Variants in SLC6A11 observed in about 807,000 individuals in gnomAD.
SLC6A11 encodes solute carrier family 6 member 11, also known as sodium- and chloride-dependent GABA transporter 3.
In SLC6A11, 25 loss-of-function variants were observed where a neutral mutation model predicts 74.8. That is an observed-to-expected ratio of 0.33 (90% CI 0.24 to 0.47). The LOEUF (loss-of-function observed/expected upper bound fraction) is 0.47. SLC6A11 is among the 20% of genes least tolerant of loss of function. The pLI is 1.00. For synonymous variants in SLC6A11, 330 were observed against 330.2 expected, an observed-to-expected ratio of 1.00 and a Z score of 0.01; for missense variants, 574 against 837.0, an observed-to-expected ratio of 0.69 and a Z score of 3.88.
At chr3:10,937,197 G>T (rs1039414033) in intron 13 of SLC6A11, among the ~76,000 whole-genome samples, 1 of 152,170 alleles carries the variant, frequency 6.6e-6, no homozygotes, top group Admixed American at 6.5e-5. Context: ...GGCAGGTACC[G>T]TTATTATCCC....
At chr3:10,935,310 G>A in intron 13 of SLC6A11, 111 bp downstream of exon 13, 1 of 940,284 alleles carries the variant, frequency 1.1e-6, no homozygotes, top group Admixed American at 2.1e-5. Context: ...TGCCTCAAGG[G>A]GACGCTGTGG....
chr3:10,866,147 C>G (rs994403560), intron 5 of SLC6A11, among the ~76,000 whole-genome samples: 3 of 152,192 alleles, frequency 2.0e-5, no homozygotes, highest in African/African-American at 7.2e-5. Flanking sequence ...TAGGGTGTTG[C>G]CCTCATTTAC....
chr3:10,830,846 T>C (rs1694286582), intron 4 of SLC6A11, among the ~76,000 whole-genome samples: 1 of 152,098 alleles, frequency 6.6e-6, no homozygotes, highest in African/African-American at 2.4e-5. Flanking sequence ...AATGTTCTAT[T>C]CCTAGAGTTG....
At position 10,926,290 on chromosome 3, in the gene SLC6A11, A is replaced by T. The variant is rs1411652646; in HGVS notation, c.1233+174A>T. Among the ~76,000 whole-genome samples the T allele has an allele frequency of 6.7e-6, 1 of 148,208 alleles. No individual in the cohort carries two copies. Among genetic ancestry groups the T allele is most frequent in the African/African-American group, 2.5e-5 (1 of 39,892 alleles). ...CCACTTCCCTCCCAGCAACTCTTGCACCCCCGCCATCCACCAGGTGGGCTC... is the reference window on the plus strand; with the variant it reads ...CCACTTCCCTCCCAGCAACTCTTGCTCCCCCGCCATCCACCAGGTGGGCTC... On this transcript the variant is annotated intron_variant, in intron 9 of 13. Coordinates refer to ENST00000254488, the MANE Select transcript of SLC6A11 (RefSeq NM_014229.3). The surrounding 1 kb of genome is among the most constrained non-coding windows in gnomAD (Gnocchi z 5.7).
At chr3:10,875,399 A>G (rs978794348) in intron 6 of SLC6A11, among the ~76,000 whole-genome samples, 9 of 152,256 alleles carry the variant, frequency 5.9e-5, no homozygotes, top group African/African-American at 2.2e-4. Context: ...ATTTTAAAGC[A>G]GCAATGAGCA....
chr3:10,823,096 C>T (rs761842615), intron 3 of SLC6A11, among the ~76,000 whole-genome samples: 7 of 152,128 alleles, frequency 4.6e-5, no homozygotes, highest in Admixed American at 6.5e-5. Flanking sequence ...AGGCCCCCTG[C>T]CCCATAAACC....
chr3:10,913,374 C>G (rs1374652203), intron 7 of SLC6A11, among the ~76,000 whole-genome samples: 1 of 152,176 alleles, frequency 6.6e-6, no homozygotes, highest in Non-Finnish European at 1.5e-5. Flanking sequence ...ATAACCACCT[C>G]CATAAAGTGA....
chr3:10,933,102 C>A, intron 10 of SLC6A11, 49 bp from the exon 11 acceptor site: 1 of 1,346,766 alleles, frequency 7.4e-7, no homozygotes, highest in Non-Finnish European at 1.1e-6. Flanking sequence ...CCCTGCTCTC[C>A]CGTGTGTCCG....
At chr3:10,832,600 A>G (rs73814446) in intron 4 of SLC6A11, among the ~76,000 whole-genome samples, 6,037 of 152,300 alleles carry the variant, frequency 0.04, 412 homozygotes, top group African/African-American at 0.14. Context: ...AATATAACCT[A>G]TAAATATGTC....
chr3:10,839,981 C>T, intron 4 of SLC6A11, among the ~76,000 whole-genome samples: 1 of 152,136 alleles, frequency 6.6e-6, no homozygotes, highest in Middle Eastern at 3.2e-3. Flanking sequence ...GGACTATTGC[C>T]TTCCCTATTG....
intron 4 of SLC6A11, among the ~76,000 whole-genome samples, chr3:10,839,017 A>G (rs1282467489): frequency 1.3e-5 from 2 of 151,748 alleles, no homozygotes; most frequent in Admixed American, 6.6e-5. Context: ...CCCTCCTGTC[A>G]AGTAGAAAGG....
intron 5 of SLC6A11, among the ~76,000 whole-genome samples, chr3:10,859,126 G>A (rs1026875388): frequency 2.0e-5 from 3 of 152,226 alleles, no homozygotes; most frequent in Admixed American, 6.5e-5. Flanking sequence ...ATAAAATGTG[G>A]CATGTGGAAT....
Position 10,927,916 on chromosome 3 carries a change from C to T in SLC6A11, c.1234-1286C>T, listed in dbSNP as rs567708365. Among the ~76,000 whole-genome samples the T allele has an allele frequency of 5.3e-5, 8 of 152,298 alleles. 1 individual carries two copies. The East Asian group carries it at 7.7e-4, about 15-fold the overall frequency. On this transcript the variant is annotated intron_variant, in intron 9 of 13. Coordinates refer to ENST00000254488, the MANE Select transcript of SLC6A11 (RefSeq NM_014229.3). ...GTGGCTGGCAAAATAACCCTTAACT[C>T]CTCCTCCCTCCCTCAAGGCAGGGCA...
At chr3:10,920,081 T>C (rs1285151490) in intron 8 of SLC6A11, among the ~76,000 whole-genome samples, 1 of 152,214 alleles carries the variant, frequency 6.6e-6, no homozygotes, top group Admixed American at 6.5e-5. Context: ...TGAGAATCCA[T>C]GTCCTCCTCT....
intron 5 of SLC6A11, among the ~76,000 whole-genome samples, chr3:10,851,972 C>T (rs566399360): frequency 1.3e-5 from 2 of 152,352 alleles, no homozygotes; most frequent in South Asian, 4.1e-4. Context: ...GAGCCCCACA[C>T]AGAAAACTTA....
intron 6 of SLC6A11, among the ~76,000 whole-genome samples, chr3:10,882,940 C>T (rs530818839): frequency 1.8e-4 from 28 of 152,274 alleles, no homozygotes; most frequent in African/African-American, 6.3e-4. Flanking sequence ...TGGCACCCAG[C>T]CTAGGGCCTG....
At chr3:10,899,783 G>A (rs1695215543) in intron 6 of SLC6A11, among the ~76,000 whole-genome samples, 2 of 152,328 alleles carry the variant, frequency 1.3e-5, no homozygotes, top group African/African-American at 2.4e-5. Context: ...TGTGTTTGAT[G>A]TGAAGTTTGT....
At chr3:10,869,488 C>T (rs1694804280) in intron 5 of SLC6A11, among the ~76,000 whole-genome samples, 1 of 152,242 alleles carries the variant, frequency 6.6e-6, no homozygotes, top group African/African-American at 2.4e-5. Context: ...CTCAGACACA[C>T]ACAGGACAAA....
At chr3:10,869,741 G>A (rs1252222915) in intron 5 of SLC6A11, among the ~76,000 whole-genome samples, 1 of 152,218 alleles carries the variant, frequency 6.6e-6, no homozygotes, top group Non-Finnish European at 1.5e-5. Flanking sequence ...AGGCTGAGGA[G>A]GTTAGACTCA....
Sources: gnomAD v4.1 joint callset for allele counts (sites outside exome capture counted in the v4.1 genomes callset) on GRCh38, gnomAD v4.1.1 for gene constraint, Gnocchi (gnomAD v3.1) non-coding constraint, MANE v1.5 for transcripts, NCBI Gene and HGNC (gene_info 2026-07-23, HGNC 2026-07-21) for gene names.